The following PCDH15 variants were observed in gnomAD, a reference collection of about 807,000 sequenced individuals.
PCDH15 encodes protocadherin related 15, also known as protocadherin-15.
PCDH15 carries 129 observed loss-of-function variants against 178.5 expected under a neutral mutation model. The observed-to-expected ratio is 0.72, with a 90% CI of 0.63 to 0.84. PCDH15 has a LOEUF of 0.84. PCDH15 is among the 40% of genes least tolerant of loss of function. PCDH15 has a pLI of 0.00. For missense variants in PCDH15, 2,230 were observed against 2,099.9 expected (o/e 1.06, Z -1.21); for synonymous variants, 800 against 732.0 (o/e 1.09, Z -1.50).
intron 26 of PCDH15, among the ~76,000 whole-genome samples, chr10:53,894,856 G>T (rs1270960120): frequency 6.6e-6 from 1 of 152,138 alleles, no homozygotes; most frequent in Non-Finnish European, 1.5e-5. Flanking sequence ...GTCTCACAGA[G>T]AGATAAGAGC....
At chr10:54,735,683 G>T (rs1285534323) in intron 1 of PCDH15, among the ~76,000 whole-genome samples, 1 of 120,284 alleles carries the variant, frequency 8.3e-6, no homozygotes, top group African/African-American at 3.1e-5. Flanking sequence ...ATACTATGCA[G>T]CCATAAAAAA....
intron 2 of PCDH15, among the ~76,000 whole-genome samples, chr10:55,539,577 T>C (rs192172598): frequency 9.2e-5 from 14 of 152,240 alleles, no homozygotes; most frequent in Admixed American, 4.6e-4. Flanking sequence ...TCCAATACTA[T>C]GTGCAAATTA....
At chr10:54,291,500 C>CA (rs752495225) in intron 8 of PCDH15, among the ~76,000 whole-genome samples, 37 of 152,046 alleles carry the variant, frequency 2.4e-4, no homozygotes, top group Admixed American at 2.1e-3. Context: ...GATAGGGACA[C>CA]AAAAAACCCT....
At chr10:54,813,894 T>G (rs1238728201) in intron 3 of PCDH15, among the ~76,000 whole-genome samples, 2 of 152,224 alleles carry the variant, frequency 1.3e-5, no homozygotes, top group Non-Finnish European at 2.9e-5. Flanking sequence ...TTTCAAAATT[T>G]ATTTTATTCC....
intron 3 of PCDH15, among the ~76,000 whole-genome samples, chr10:54,858,942 T>G (rs1185890596): frequency 6.6e-6 from 1 of 152,076 alleles, no homozygotes; most frequent in Non-Finnish European, 1.5e-5. Flanking sequence ...ATAATTCCTT[T>G]TTATAGAATT....
At chr10:55,598,484 C>T (rs1313380824) in intron 2 of PCDH15, among the ~76,000 whole-genome samples, 4 of 128,538 alleles carry the variant, frequency 3.1e-5, no homozygotes, top group Non-Finnish European at 6.6e-5. Flanking sequence ...TGTCACTCAG[C>T]CTATATAACA....
chr10:54,442,435 T>TATATATATATATATATATATATAC (rs2075870984), intron 3 of PCDH15, among the ~76,000 whole-genome samples: 1 of 117,410 alleles, frequency 8.5e-6, no homozygotes, highest in African/African-American at 3.8e-5. Flanking sequence ...TATATATATA[T>TATATATATATATATATATATATAC]ATATATATAT....
At chr10:55,492,096 A>C (rs192683573) in intron 2 of PCDH15, among the ~76,000 whole-genome samples, 60 of 151,938 alleles carry the variant, frequency 3.9e-4, no homozygotes, top group Admixed American at 9.2e-4. Flanking sequence ...ATAGGCTTAA[A>C]AATAAAATAA....
chr10:54,217,223 A>T (rs1468922965), intron 9 of PCDH15, among the ~76,000 whole-genome samples: 2 of 152,106 alleles, frequency 1.3e-5, no homozygotes, highest in Non-Finnish European at 2.9e-5. Flanking sequence ...AAATTCAAGG[A>T]CTTCTCTAAA....
intron 2 of PCDH15, among the ~76,000 whole-genome samples, chr10:54,584,719 G>C (rs6481106): frequency 0.92 from 140,332 of 152,122 alleles, 65,141 homozygotes; most frequent in Middle Eastern, 0.98. Flanking sequence ...CTTCCATTCA[G>C]TATCTCTCTG....
intron 1 of PCDH15, among the ~76,000 whole-genome samples, chr10:54,680,678 C>T (rs1341706066): frequency 6.6e-6 from 1 of 152,114 alleles, no homozygotes; most frequent in Non-Finnish European, 1.5e-5. Flanking sequence ...GAATAAGTCT[C>T]ATGAGATCTG....
chr10:53,982,668 TGTG>T (rs1353910021), intron 21 of PCDH15, among the ~76,000 whole-genome samples: 3 of 85,838 alleles, frequency 3.5e-5, no homozygotes, highest in African/African-American at 1.4e-4. Context: ...TGGGGACTGT[TGTG>T]GGGTGGGGGG....
intron 1 of PCDH15, among the ~76,000 whole-genome samples, chr10:54,742,321 G>A (rs370317096): frequency 1.2e-4 from 19 of 152,076 alleles, no homozygotes; most frequent in East Asian, 9.7e-4. Flanking sequence ...GTATGGGTAA[G>A]TGTATTATTT....
chr10:54,020,048 C>A, intron 20 of PCDH15, 144 bp downstream of exon 20: 2 of 700,010 alleles, frequency 2.9e-6, no homozygotes, highest in South Asian at 1.7e-5. Context: ...ATAAATATTT[C>A]CATTGGAAAA....
At chr10:54,069,302 T>C (rs2094196598) in intron 17 of PCDH15, among the ~76,000 whole-genome samples, 2 of 152,214 alleles carry the variant, frequency 1.3e-5, no homozygotes, top group African/African-American at 2.4e-5. Flanking sequence ...CTTTAAAATT[T>C]ATATTCATGT....
chr10:54,212,683 T>C (rs1262544746), intron 10 of PCDH15, among the ~76,000 whole-genome samples: 2 of 152,144 alleles, frequency 1.3e-5, no homozygotes, highest in Non-Finnish European at 2.9e-5. Flanking sequence ...TATATGACTG[T>C]TTCCCTTTCT....
chr10:54,099,027 A>C (rs1297185770), intron 15 of PCDH15, among the ~76,000 whole-genome samples: 1 of 152,144 alleles, frequency 6.6e-6, no homozygotes, highest in African/African-American at 2.4e-5. Context: ...GGTTTTCTCA[A>C]AGCTTTCCTC....
At position 55,314,217 on chromosome 10, in the gene PCDH15, A is replaced by G. The variant is rs922488142; in HGVS notation, c.-156+5382T>C. On this transcript the variant is annotated intron_variant, in intron 1 of 5. Coordinates refer to the PCDH15 transcript ENST00000458638. ...TTTGTGTGTATATATATATATATAT[A>G]TATGTAATGATAATATCTCAGTGTT... is the stretch of plus-strand genomic sequence containing the variant. Among the ~76,000 whole-genome samples, 6 of 148,016 alleles carry G rather than the reference A, an allele frequency of 4.1e-5. No homozygotes were observed. The East Asian group carries it at 1.2e-3, about 29-fold the overall frequency.
At position 53,803,065 on chromosome 10, in the gene PCDH15, T is replaced by A. The variant is rs144842019; in HGVS notation, c.*3514A>T. 4.4e-4 allele frequency: 67 copies of A among 151,930 alleles called. No homozygotes were observed. In the East Asian group the frequency reaches 7.9e-3, roughly 18 times the overall value. 9.4% of individuals were successfully genotyped at this position (151,930 alleles called of 1,614,324 possible). A position where few individuals can be genotyped will look rare whatever the true frequency, so the allele number is the denominator to read the frequency against. ...TATGATAAAGATCAAAATTAACTAT[T>A]GAAAACCAATAAAAAAAATAGAACA... On this transcript the variant is annotated 3_prime_UTR_variant, in exon 38 of 38. Transcript: ENST00000644397.
Sources: allele counts gnomAD v4.1 joint callset (sites outside exome capture counted in the v4.1 genomes callset), GRCh38; gene constraint gnomAD v4.1.1; transcripts MANE v1.5; gene names NCBI Gene and HGNC (gene_info 2026-07-23, HGNC 2026-07-21).